Variants in CDH6 observed in about 807,000 individuals in gnomAD.
CDH6 encodes cadherin-6.
CDH6 carries 31 observed loss-of-function variants against 78.0 expected under a neutral mutation model. The observed-to-expected ratio is 0.40, with a 90% CI of 0.30 to 0.54. The LOEUF (loss-of-function observed/expected upper bound fraction) is 0.54. Among genes scored for constraint, CDH6 ranks in the 20% least tolerant of loss-of-function variants. CDH6 has a pLI of 0.56. For missense variants in CDH6, 724 were observed against 975.9 expected (o/e 0.74, Z 3.44); for synonymous variants, 376 against 368.8 (o/e 1.02, Z -0.23).
intron 1 of CDH6, among the ~76,000 whole-genome samples, chr5:31,221,263 A>T (rs529778823): frequency 6.6e-6 from 1 of 152,276 alleles, no homozygotes; most frequent in Admixed American, 6.5e-5. Context: ...TACTGATTAG[A>T]TAGGTTGAAT....
At chr5:31,307,908 A>T (rs1738032082) in intron 7 of CDH6, among the ~76,000 whole-genome samples, 1 of 152,182 alleles carries the variant, frequency 6.6e-6, no homozygotes, top group South Asian at 2.1e-4. Flanking sequence ...TTGTCAGATT[A>T]TGTTGGCTGT....
intron 2 of CDH6, among the ~76,000 whole-genome samples, chr5:31,282,352 C>T (rs1054620685): frequency 5.3e-5 from 8 of 152,090 alleles, no homozygotes; most frequent in Admixed American, 1.3e-4. Flanking sequence ...CGCCTTCCTC[C>T]GTCTTCAAGC....
At chr5:31,228,549 C>A (rs1037831875) in intron 1 of CDH6, among the ~76,000 whole-genome samples, 15 of 152,182 alleles carry the variant, frequency 9.9e-5, no homozygotes, top group African/African-American at 3.4e-4. Context: ...GGTCCCCAAC[C>A]TTTTTGGCAC....
At chr5:31,197,183 C>T (rs562298663) in intron 1 of CDH6, among the ~76,000 whole-genome samples, 1 of 152,250 alleles carries the variant, frequency 6.6e-6, no homozygotes, top group East Asian at 1.9e-4. Flanking sequence ...CTTGATGTAT[C>T]ACAACACATT....
intron 6 of CDH6, 88 bp from the exon 7 acceptor site, chr5:31,305,086 G>T: frequency 1.5e-6 from 2 of 1,328,226 alleles, no homozygotes; most frequent in Admixed American, 4.3e-5. Flanking sequence ...ATTTATCAGT[G>T]GTTTACACCA....
chr5:31,226,401 C>T (rs764292342), intron 1 of CDH6, among the ~76,000 whole-genome samples: 11 of 152,172 alleles, frequency 7.2e-5, no homozygotes, highest in Non-Finnish European at 1.2e-4. Context: ...TCTCAAACTC[C>T]TAACCTCAGG....
intron 1 of CDH6, among the ~76,000 whole-genome samples, chr5:31,204,692 T>C (rs1222231118): frequency 6.6e-6 from 1 of 152,206 alleles, no homozygotes; most frequent in East Asian, 1.9e-4. Flanking sequence ...AATCTTTTTA[T>C]CACGGCTGGT....
chr5:31,258,212 C>G (rs1313805582), intron 1 of CDH6, among the ~76,000 whole-genome samples: 1 of 152,140 alleles, frequency 6.6e-6, no homozygotes, highest in Non-Finnish European at 1.5e-5. Flanking sequence ...GCACTGTTCA[C>G]AATAGCAAAA....
chr5:31,230,864 T>C (rs1741294838), intron 1 of CDH6, among the ~76,000 whole-genome samples: 1 of 152,166 alleles, frequency 6.6e-6, no homozygotes, highest in African/African-American at 2.4e-5. Flanking sequence ...GTAGGGGACT[T>C]CATGAACTGT....
intron 7 of CDH6, among the ~76,000 whole-genome samples, chr5:31,309,086 A>G (rs1738077085): frequency 6.6e-6 from 1 of 152,162 alleles, no homozygotes; most frequent in African/African-American, 2.4e-5. Flanking sequence ...ATATTGATTC[A>G]TGACATAAAT....
chr5:31,274,476 A>G (rs1342629015), intron 2 of CDH6, among the ~76,000 whole-genome samples: 1 of 152,204 alleles, frequency 6.6e-6, no homozygotes, highest in African/African-American at 2.4e-5. Flanking sequence ...CCATTTCATC[A>G]TGCCTGTGGA....
chr5:31,323,509 G>T lies in CDH6; in HGVS notation c.*201G>T, dbSNP rs899226412. The T allele has an allele frequency of 1.2e-5, 7 of 560,946 alleles. No homozygotes were observed. In the East Asian group the frequency reaches 2.1e-4, roughly 17 times the overall value. The allele number at this position is 560,946 out of a possible 1,614,324, so 34.7% of individuals were successfully genotyped here. A position where few individuals can be genotyped will look rare whatever the true frequency, so the allele number is the denominator to read the frequency against. ...CCAAGGGGCAAATTTTTATTTTTTA[G>T]TGCATCCAGTTAACCAAGTCAGCCC... is the stretch of plus-strand genomic sequence containing the variant. On this transcript the variant is annotated 3_prime_UTR_variant, in exon 12 of 12. Coordinates refer to ENST00000265071, the MANE Select transcript of CDH6 (RefSeq NM_004932.4).
At chr5:31,202,224 T>C (rs758581269) in intron 1 of CDH6, among the ~76,000 whole-genome samples, 2 of 152,322 alleles carry the variant, frequency 1.3e-5, no homozygotes, top group African/African-American at 2.4e-5. Flanking sequence ...TTCTAGTGTA[T>C]AGTATAGATT....
In CDH6 at chr5:31,244,276, GA is replaced by G. The variant is rs1741685693; in HGVS notation, c.-128-23068del. Among the ~76,000 whole-genome samples the G allele has an allele frequency of 8.5e-5, 13 of 152,314 alleles. No individual in the cohort carries two copies. In the South Asian group the frequency reaches 2.5e-3, roughly 29 times the overall value. ...CCTGTGCAGAACTTACAGCTGGAAT[GA>G]AGGACAACTTCATCAAATCAAGAAC... On this transcript the variant is annotated intron_variant, in intron 1 of 11. Transcript: ENST00000265071.
chr5:31,205,164 C>G (rs1740480982), intron 1 of CDH6, among the ~76,000 whole-genome samples: 1 of 152,236 alleles, frequency 6.6e-6, no homozygotes, highest in Non-Finnish European at 1.5e-5. Context: ...TAAATGCTTA[C>G]TAGGTGAAAT....
chr5:31,231,898 G>C (rs1741319727), intron 1 of CDH6, among the ~76,000 whole-genome samples: 1 of 152,204 alleles, frequency 6.6e-6, no homozygotes, highest in Non-Finnish European at 1.5e-5. Flanking sequence ...TCCAGTTTTA[G>C]ACCTTTGCTC....
intron 1 of CDH6, chr5:31,251,721 T>C (rs1741913168): frequency 6.6e-6 from 1 of 152,212 alleles, no homozygotes; most frequent in Non-Finnish European, 1.5e-5. Flanking sequence ...GAAGTTAGAA[T>C]AGCAACTCCC....
intron 1 of CDH6, among the ~76,000 whole-genome samples, chr5:31,228,076 G>GT (rs1741213989): frequency 6.6e-6 from 1 of 152,164 alleles, no homozygotes; most frequent in Non-Finnish European, 1.5e-5. Context: ...GAGGTCACCT[G>GT]TTTTCTTGGC....
At chr5:31,235,376 A>G (rs1251718227) in intron 1 of CDH6, among the ~76,000 whole-genome samples, 2 of 151,708 alleles carry the variant, frequency 1.3e-5, no homozygotes, top group Admixed American at 1.3e-4. Context: ...TTGTGTGTCC[A>G]TAAGAAAATG....
Sources: gnomAD v4.1 joint callset for allele counts (sites outside exome capture counted in the v4.1 genomes callset) on GRCh38, gnomAD v4.1.1 for gene constraint, MANE v1.5 for transcripts, NCBI Gene and HGNC (gene_info 2026-07-23, HGNC 2026-07-21) for gene names.